HAMP: variants seen among roughly 807,000 people sequenced by gnomAD.
The protein encoded by HAMP is hepcidin.
In HAMP, 5 loss-of-function variants were observed where a neutral mutation model predicts 7.8. That is an observed-to-expected ratio of 0.64 (90% CI 0.33 to 1.34). HAMP has a LOEUF of 1.34. Ranked by LOEUF, HAMP falls within the 40% of genes most tolerant of loss-of-function variation. The probability of loss-of-function intolerance (pLI) is 0.05; values close to 1 mark genes in which losing one functional copy is unlikely to be tolerated. For synonymous variants in HAMP, 52 were observed against 38.6 expected, an observed-to-expected ratio of 1.35 and a Z score of -1.28; for missense variants, 105 against 104.1, an observed-to-expected ratio of 1.01 and a Z score of -0.04.
At chr19:35,283,922 GC>G (rs1294303187) in intron 1 of HAMP, 1 of 151,996 alleles carries the variant, frequency 6.6e-6, no homozygotes, top group African/African-American at 2.4e-5. Context: ...AGCTTCCCGA[GC>G]AGCTGGGATT....
intron 1 of HAMP, chr19:35,283,212 CAA>C: frequency 7.8e-5 from 14 of 178,998 alleles, no homozygotes; most frequent in South Asian, 4.9e-4. Flanking sequence ...AGGCCATGAA[CAA>C]GGTAGATGAG....
intron 1 of HAMP, 182 bp from the exon 2 acceptor site, chr19:35,284,606 GT>G (rs370723038): frequency 0.038 from 18,206 of 473,146 alleles, 642 homozygotes; most frequent in African/African-American, 0.18. Flanking sequence ...GATCTGGGAG[GT>G]TTTTTTTTTT....
At position 35,285,096 on chromosome 19, in the gene HAMP, CA is replaced by C; in HGVS notation, c.*55del. On this transcript the variant is annotated 3_prime_UTR_variant, in exon 3 of 3. Coordinates refer to ENST00000222304, the MANE Select transcript of HAMP (RefSeq NM_021175.4). ...CCTTCCTTATTTATTCCTGCTGCCC[CA>C]GAACATAGGTCTTGGAATAAAATGG... 1.8e-6 allele frequency: 2 copies of C among 1,116,652 alleles called. No homozygotes were observed. Among genetic ancestry groups the C allele is most frequent in the East Asian group, 4.7e-5 (2 of 42,644 alleles). 69.2% of individuals were successfully genotyped at this position (1,116,652 alleles called of 1,614,324 possible).
chr19:35,283,221 TGA>T (rs2066311617), intron 1 of HAMP: 2 of 174,236 alleles, frequency 1.1e-5, no homozygotes, highest in Non-Finnish European at 2.5e-5. Context: ...ACAAGGTAGA[TGA>T]GAGAGGAGAT....
intron 1 of HAMP, chr19:35,284,439 T>C (rs895764413): frequency 2.5e-6 from 1 of 400,116 alleles, no homozygotes; most frequent in Non-Finnish European, 4.7e-6. Flanking sequence ...AGGAAGACTC[T>C]GTCTAAAAAA....
At chr19:35,284,666 C>G in intron 1 of HAMP, 123 bp from the exon 2 acceptor site, 1 of 751,238 alleles carries the variant, frequency 1.3e-6, no homozygotes. Flanking sequence ...AAGCAAGGCC[C>G]CTCCTAAGAG....
intron 1 of HAMP, chr19:35,284,587 G>A (rs530196720): frequency 6.6e-6 from 4 of 602,834 alleles, no homozygotes; most frequent in East Asian, 2.7e-5. Context: ...GTGGAAAGAG[G>A]AGGAGGCGGA....
chr19:35,284,584 G>C, intron 1 of HAMP: 1 of 602,300 alleles, frequency 1.7e-6, no homozygotes, highest in Non-Finnish European at 2.9e-6. Context: ...GCTGTGGAAA[G>C]AGGAGGAGGC....
At chr19:35,283,520 C>T (rs1181217899) in intron 1 of HAMP, 1 of 152,314 alleles carries the variant, frequency 6.6e-6, no homozygotes, top group Non-Finnish European at 1.5e-5. Context: ...ACAGCAGGCA[C>T]ATGCCACGGG....
At chr19:35,283,285 A>T in intron 1 of HAMP, 1 of 166,518 alleles carries the variant, frequency 6.0e-6, no homozygotes. Context: ...ACATGAATAA[A>T]TAATTGTGTC....
At chr19:35,284,729 C>A in intron 1 of HAMP, 60 bp from the exon 2 acceptor site, 1 of 1,315,612 alleles carries the variant, frequency 7.6e-7, no homozygotes, top group Non-Finnish European at 1.1e-6. Context: ...TTGCCGGGAG[C>A]CAGTCTCAGA....
chr19:35,284,971 C>T lies in HAMP; in HGVS notation c.184C>T (p.His62Tyr). Reference protein sequence around the residue: ...MFQRRRRRDTHFPICIFCCGC... With the variant: ...MFQRRRRRDTYFPICIFCCGC... Reference sequence around the variant, plus strand: ...CCAGAGGCGAAGGAGGCGAGACACCCACTTCCCCATCTGCATTTTCTGCTG... The same window carrying T: ...CCAGAGGCGAAGGAGGCGAGACACCTACTTCCCCATCTGCATTTTCTGCTG... Residue 62 changes from histidine to tyrosine, a missense_variant, in exon 3 of 3, where the codon CAC becomes TAC. Transcript: ENST00000222304. The T allele has an allele frequency of 6.2e-7, 1 of 1,613,962 alleles. No homozygotes were observed. The highest frequency in any genetic ancestry group is 8.5e-7 in the Non-Finnish European group (1 of 1,179,822).
rs1033759764 is a variant in HAMP, at chr19:35,285,143, A to G, written c.*101A>G. ...AATGGCTGGTTCTTTTGTTTTCCAAACCAGAGTGTCTGTTGTCCTTTCTCT... is the reference window on the plus strand; with the variant it reads ...AATGGCTGGTTCTTTTGTTTTCCAAGCCAGAGTGTCTGTTGTCCTTTCTCT... On this transcript the variant is annotated 3_prime_UTR_variant, in exon 3 of 3. Coordinates refer to ENST00000222304, the MANE Select transcript of HAMP (RefSeq NM_021175.4). The G allele has an allele frequency of 3.7e-6, 3 of 810,802 alleles. No individual in the cohort carries two copies. The highest frequency in any genetic ancestry group is 3.7e-5 in the Admixed American group (2 of 54,142). The allele number at this position is 810,802 out of a possible 1,614,324, so 50.2% of individuals were successfully genotyped here. A position where few individuals can be genotyped will look rare whatever the true frequency, so the allele number is the denominator to read the frequency against.
rs1276030793 is a variant in HAMP at position 35,282,669 on chromosome 19, T to C, written c.90+2T>C. On this transcript the variant is annotated splice_donor_variant, in intron 1 of 2. Coordinates refer to ENST00000222304, the MANE Select transcript of HAMP (RefSeq NM_021175.4). LOFTEE classifies it high-confidence loss of function. The stretch of plus-strand genomic sequence containing the variant: ...AGTGGCTCTGTTTTCCCACAACAGG[T>C]GAGAGCCCAGTGGCCTGGGTCCTTA... 1.2e-6 allele frequency: 2 copies of C among 1,611,728 alleles called. No individual in the cohort carries two copies. Among genetic ancestry groups the C allele is most frequent in the African/African-American group, 2.7e-5 (2 of 74,870 alleles).
chr19:35,284,314 G>A (rs965429543), intron 1 of HAMP: 7 of 191,038 alleles, frequency 3.7e-5, no homozygotes, highest in East Asian at 2.6e-4. Context: ...GTGTGGTGGC[G>A]TGCACCTGCT....
intron 1 of HAMP, 125 bp from the exon 2 acceptor site, chr19:35,284,664 C>T (rs1225167231): frequency 4.1e-6 from 3 of 732,564 alleles, no homozygotes; most frequent in East Asian, 2.6e-5. Context: ...GAAAGCAAGG[C>T]CCCTCCTAAG....
At chr19:35,284,262 C>T in intron 1 of HAMP, 1 of 174,156 alleles carries the variant, frequency 5.7e-6, no homozygotes, top group Non-Finnish European at 1.2e-5. Flanking sequence ...TTGGGCAACA[C>T]AACCAGACCC....
At chr19:35,284,394 A>C in intron 1 of HAMP, 1 of 305,004 alleles carries the variant, frequency 3.3e-6, no homozygotes, top group Non-Finnish European at 6.3e-6. Flanking sequence ...GCAGGGAGCT[A>C]TGACTGTGCC....
chr19:35,283,795 G>A (rs1206218674), intron 1 of HAMP: 2 of 139,434 alleles, frequency 1.4e-5, no homozygotes, highest in Non-Finnish European at 3.1e-5. Flanking sequence ...GCCCCCATAA[G>A]CTTTTTTTTT....
Sources: allele counts gnomAD v4.1 joint callset, GRCh38; gene constraint gnomAD v4.1.1; transcripts MANE v1.5; gene names NCBI Gene and HGNC (gene_info 2026-07-23, HGNC 2026-07-21).